FER: variants seen among roughly 807,000 people sequenced by gnomAD.
FER encodes the protein FER tyrosine kinase.
In FER, 63 loss-of-function variants were observed where a neutral mutation model predicts 111.0. The observed-to-expected ratio is 0.57, with a 90% CI of 0.46 to 0.70. The LOEUF (loss-of-function observed/expected upper bound fraction) is 0.70. Ranked by LOEUF, FER falls within the 30% of genes least tolerant of loss-of-function variation. The pLI, the probability that FER is intolerant of heterozygous loss-of-function variation, is 0.00. For missense variants in FER, 914 were observed against 954.0 expected, an observed-to-expected ratio of 0.96 and a Z score of 0.55; for synonymous variants, 327 against 313.9, an observed-to-expected ratio of 1.04 and a Z score of -0.44.
intron 9 of FER, among the ~76,000 whole-genome samples, chr5:108,884,882 C>G (rs1746867759): frequency 6.6e-6 from 1 of 151,994 alleles, no homozygotes; most frequent in Non-Finnish European, 1.5e-5. Flanking sequence ...ACATTGCTAG[C>G]TAAATTTAGA....
At chr5:108,978,726 A>C (rs546528215) in intron 13 of FER, among the ~76,000 whole-genome samples, 4 of 152,336 alleles carry the variant, frequency 2.6e-5, no homozygotes, top group African/African-American at 9.6e-5. Flanking sequence ...ATATATACTC[A>C]TAGATGCAAA....
In FER at chr5:108,975,991, C is replaced by T. The variant is rs753377599; in HGVS notation, c.1656+16644C>T. Among the ~76,000 whole-genome samples the T allele has an allele frequency of 1.1e-4, 16 of 152,064 alleles. 1 individual carries two copies. Among genetic ancestry groups the T allele is most frequent in the Middle Eastern group, 6.8e-3 (2 of 294 alleles). Reference sequence around the variant, plus strand: ...TTCCAAATAGATGTGACCTGTAGGCCGATGGATATGTATATCTGGAATTTA... The same window carrying T: ...TTCCAAATAGATGTGACCTGTAGGCTGATGGATATGTATATCTGGAATTTA... On this transcript the variant is annotated intron_variant, in intron 13 of 19. Transcript: ENST00000281092.
chr5:109,044,716 G>A lies in FER; in HGVS notation c.1750G>A (p.Asp584Asn). The stretch of plus-strand genomic sequence containing the variant: ...TGAAGTATATAAGGGCACATTAAAG[G>A]ATAAAACTTCTGTTGCTGTTAAAAC... ...FGEVYKGTLK[D>N]KTSVAVKTCK... Residue 584 changes from aspartate to asparagine, a missense_variant, in exon 15 of 20, where the codon GAT becomes AAT. Around this residue, in one of 3 missense-constraint regions of FER, gnomAD observed 774 missense variants for 782.6 expected, o/e 0.99. Coordinates refer to ENST00000281092, the MANE Select transcript of FER (RefSeq NM_005246.4). The A allele has an allele frequency of 6.3e-7, 1 of 1,587,316 alleles. No individual in the cohort carries two copies. Among genetic ancestry groups the A allele is most frequent in the Non-Finnish European group, 8.5e-7 (1 of 1,169,716 alleles).
chr5:108,839,536 A>G lies in FER; in HGVS notation c.481+3729A>G, dbSNP rs115441137. On this transcript the variant is annotated intron_variant, in intron 5 of 19. Transcript: ENST00000281092. ...AGAGCAGGAAGCAGAAAGTAGCCAC[A>G]GAGAAATTCTTCCTACCCCAACCCC... 6.0e-3 allele frequency among the ~76,000 whole-genome samples: 911 copies of G among 151,642 alleles called. 15 individuals are homozygous for G. The highest frequency in any genetic ancestry group is 0.021 in the African/African-American group (876 of 41,310).
At chr5:109,025,140 T>C (rs1768515544) in intron 13 of FER, among the ~76,000 whole-genome samples, 1 of 152,016 alleles carries the variant, frequency 6.6e-6, no homozygotes, top group African/African-American at 2.4e-5. Flanking sequence ...AAAGTAGTTT[T>C]TTCCAATTCT....
At chr5:108,773,710 C>T (rs531461336) in intron 2 of FER, among the ~76,000 whole-genome samples, 1 of 152,082 alleles carries the variant, frequency 6.6e-6, no homozygotes, top group East Asian at 1.9e-4. Context: ...GGTATATACC[C>T]AGTAATGGGA....
chr5:108,944,337 C>T (rs1441456932), intron 10 of FER, among the ~76,000 whole-genome samples: 3 of 152,080 alleles, frequency 2.0e-5, no homozygotes, highest in Non-Finnish European at 2.9e-5. Flanking sequence ...TCTCCCTTCA[C>T]CCCTTCATTA....
intron 10 of FER, among the ~76,000 whole-genome samples, chr5:108,931,986 C>A (rs1238212639): frequency 2.0e-5 from 3 of 150,796 alleles, no homozygotes; most frequent in Non-Finnish European, 4.4e-5. Context: ...GTGTGTGTTT[C>A]ATTTTTTAAA....
chr5:109,139,611 G>GC (rs1753307386), intron 17 of FER, among the ~76,000 whole-genome samples: 1 of 151,560 alleles, frequency 6.6e-6, no homozygotes, highest in South Asian at 2.1e-4. Flanking sequence ...TCACTTTTTT[G>GC]CCCATTAAGA....
intron 15 of FER, among the ~76,000 whole-genome samples, chr5:109,046,866 A>G (rs972514623): frequency 6.6e-6 from 1 of 152,060 alleles, no homozygotes; most frequent in Admixed American, 6.6e-5. Flanking sequence ...TGTGTAAGAG[A>G]CTTTAACATG....
rs370194573 is a variant in FER, at chr5:109,060,635, G to A, written c.1924+13437G>A. Among the ~76,000 whole-genome samples the A allele has an allele frequency of 7.8e-3, 1,186 of 152,136 alleles. 13 individuals are homozygous for A. Among genetic ancestry groups the A allele is most frequent in the African/African-American group, 0.028 (1,148 of 41,490 alleles). On this transcript the variant is annotated intron_variant, in intron 16 of 19. Coordinates refer to ENST00000281092, the MANE Select transcript of FER (RefSeq NM_005246.4). ...GGAGGCGGAGGTTGCAGTGAGCTGA[G>A]ATTGCATCACTGCACTCTGGCCTGG...
At chr5:109,035,488 G>A (rs955139261) in intron 13 of FER, among the ~76,000 whole-genome samples, 3 of 152,038 alleles carry the variant, frequency 2.0e-5, no homozygotes, top group East Asian at 3.9e-4. Flanking sequence ...TTTTATTGCC[G>A]AATAGTCAGT....
intron 13 of FER, among the ~76,000 whole-genome samples, chr5:109,005,755 G>A (rs115365595): frequency 0.01 from 1,551 of 152,224 alleles, 22 homozygotes; most frequent in African/African-American, 0.035. Context: ...TTCAGTTGAA[G>A]TTCCTTAGCA....
chr5:108,966,960 G>A (rs1759934959), intron 13 of FER, among the ~76,000 whole-genome samples: 1 of 151,956 alleles, frequency 6.6e-6, no homozygotes, highest in Non-Finnish European at 1.5e-5. Context: ...CATGAAACAG[G>A]GACTTCAGAG....
chr5:108,824,814 T>A (rs1486689891), intron 3 of FER, among the ~76,000 whole-genome samples: 1 of 152,188 alleles, frequency 6.6e-6, no homozygotes, highest in Non-Finnish European at 1.5e-5. Context: ...CCTGCCCCGA[T>A]AATCACGTAG....
chr5:108,863,368 G>T, intron 5 of FER, among the ~76,000 whole-genome samples: 1 of 152,110 alleles, frequency 6.6e-6, no homozygotes. Flanking sequence ...TAATCCGCCC[G>T]CCTCGGCCTC....
chr5:108,899,874 A>G (rs542085037), intron 10 of FER, among the ~76,000 whole-genome samples: 1 of 152,282 alleles, frequency 6.6e-6, no homozygotes, highest in South Asian at 2.1e-4. Flanking sequence ...GTTTTGTTTA[A>G]CTAATGAATA....
chr5:109,015,526 A>G (rs1581660907), intron 13 of FER, among the ~76,000 whole-genome samples: 5 of 151,914 alleles, frequency 3.3e-5, no homozygotes, highest in Admixed American at 3.3e-4. Context: ...ACTGAGACAT[A>G]GCCTTTTCCC....
In FER at chr5:108,837,454, T is replaced by C. The variant is rs191630985; in HGVS notation, c.481+1647T>C. ...ATTACTTCTTAATCTGTCAAAATAG[T>C]TAATTTTATAAAGTTCATTGCTTCA... On this transcript the variant is annotated intron_variant, in intron 5 of 19. Transcript: ENST00000281092. 3.4e-3 allele frequency among the ~76,000 whole-genome samples: 519 copies of C among 152,312 alleles called. 3 individuals are homozygous for C. The highest frequency in any genetic ancestry group is 0.011 in the African/African-American group (473 of 41,570).
Sources: allele counts gnomAD v4.1 joint callset (sites outside exome capture counted in the v4.1 genomes callset), GRCh38; gene constraint gnomAD v4.1.1; regional missense constraint gnomAD v4.1.1; transcripts MANE v1.5; gene names NCBI Gene and HGNC (gene_info 2026-07-23, HGNC 2026-07-21).